LMF1: variants seen among roughly 807,000 people sequenced by gnomAD.
LMF1 encodes transmembrane protein 112.
A neutral mutation model predicts 60.6 loss-of-function variants in LMF1; 68 were observed. That is an observed-to-expected ratio of 1.12 (90% CI 0.92 to 1.37). The LOEUF is 1.37. LMF1 is among the 40% of genes most tolerant of loss of function. LMF1 has a pLI of 0.00. For missense variants in LMF1, 948 were observed against 767.2 expected (o/e 1.24, Z -2.78); for synonymous variants, 418 against 324.7 (o/e 1.29, Z -3.09).
At chr16:954,100 C>A in intron 2 of LMF1, 2 of 594,740 alleles carry the variant, frequency 3.4e-6, no homozygotes, top group Admixed American at 2.2e-5. Flanking sequence ...ATCCCTCTGG[C>A]TCCAGTAAGC....
intron 10 of LMF1, among the ~76,000 whole-genome samples, chr16:860,287 TATA>T (rs1478021413): frequency 2.0e-5 from 3 of 152,154 alleles, no homozygotes; most frequent in Non-Finnish European, 4.4e-5. Flanking sequence ...CATCTTTAAG[TATA>T]ATGACTCTGC....
intron 9 of LMF1, chr16:869,258 C>T (rs1307434315): frequency 1.9e-5 from 13 of 667,132 alleles, no homozygotes; most frequent in South Asian, 3.2e-5. Context: ...ATTCCCATGT[C>T]GGCCGCTGGC....
chr16:910,495 A>C (rs1306185845), intron 4 of LMF1, among the ~76,000 whole-genome samples: 1 of 152,194 alleles, frequency 6.6e-6, no homozygotes, highest in African/African-American at 2.4e-5. Flanking sequence ...GGCGGGTCTC[A>C]TACCTCCCTC....
intron 2 of LMF1, among the ~76,000 whole-genome samples, chr16:935,473 GTTGTCCA>G (rs1230294998): frequency 6.6e-6 from 1 of 151,250 alleles, no homozygotes; most frequent in Non-Finnish European, 1.5e-5. Context: ...AGGGTTGTCG[GTTGTCCA>G]ATCTTGTGGC....
At chr16:859,884 G>GAGTGGTGTCACGGGATGGGTGTGC in intron 10 of LMF1, among the ~76,000 whole-genome samples, 1 of 95,706 alleles carries the variant, frequency 1.0e-5, no homozygotes, top group African/African-American at 6.3e-5. Context: ...GGATGGGTGT[G>GAGTGGTGTCACGGGATGGGTGTGC]AGTGGTGTCT....
chr16:857,366 T>A (rs1326314510), intron 10 of LMF1, among the ~76,000 whole-genome samples: 2 of 152,252 alleles, frequency 1.3e-5, no homozygotes, highest in Non-Finnish European at 2.9e-5. Flanking sequence ...ACTCGATTTC[T>A]TGGTATCTTT....
chr16:891,690 C>A (rs983108101), intron 5 of LMF1, among the ~76,000 whole-genome samples: 1 of 152,184 alleles, frequency 6.6e-6, no homozygotes, highest in Non-Finnish European at 1.5e-5. Context: ...CCCCCCTGCC[C>A]ACTTTTCTGA....
At position 962,379 on chromosome 16, in the gene LMF1, C is replaced by T. The variant is rs1026678675; in HGVS notation, c.194-7713G>A. 2.0e-5 allele frequency among the ~76,000 whole-genome samples: 3 copies of T among 152,214 alleles called. No individual in the cohort carries two copies. The highest frequency in any genetic ancestry group is 2.9e-5 in the Non-Finnish European group (2 of 68,050). ...TCACAGAGGAATTCCACATAATGTC[C>T]GCAGACACTCCCTTCAGGAGGCGGG... On this transcript the variant is annotated intron_variant, in intron 1 of 10. Transcript: ENST00000262301. The surrounding 1 kb of genome is among the most constrained non-coding windows in gnomAD (Gnocchi z 4.5).
chr16:932,555 A>G (rs2071820726), intron 3 of LMF1, among the ~76,000 whole-genome samples: 1 of 152,198 alleles, frequency 6.6e-6, no homozygotes, highest in South Asian at 2.1e-4. Flanking sequence ...AGAACTGGGA[A>G]AAAATAATAC....
At chr16:920,098 A>G (rs775209720) in intron 3 of LMF1, among the ~76,000 whole-genome samples, 9 of 148,814 alleles carry the variant, frequency 6.0e-5, no homozygotes, top group Non-Finnish European at 1.2e-4. Context: ...TCGGCTCCCA[A>G]CAGGACATCC....
intron 10 of LMF1, chr16:854,911 C>T: frequency 3.2e-6 from 2 of 622,216 alleles, no homozygotes; most frequent in Admixed American, 2.5e-5. Flanking sequence ...CAGCAGTGAA[C>T]AGCGCAGCAA....
intron 3 of LMF1, among the ~76,000 whole-genome samples, chr16:914,687 C>T (rs76714678): frequency 0.034 from 36 of 1,072 alleles, no homozygotes; most frequent in Non-Finnish European, 0.037. Context: ...CTCCCATGAC[C>T]ATTGGTGACA....
At chr16:959,033 A>C (rs1175125797) in intron 1 of LMF1, among the ~76,000 whole-genome samples, 2 of 152,234 alleles carry the variant, frequency 1.3e-5, no homozygotes, top group Admixed American at 6.5e-5. Context: ...CATCTGACCC[A>C]GATAATGAAG....
chr16:890,309 G>T (rs914909089), intron 5 of LMF1, among the ~76,000 whole-genome samples: 17 of 152,212 alleles, frequency 1.1e-4, no homozygotes, highest in African/African-American at 4.1e-4. Flanking sequence ...CAAGAAAAGG[G>T]GCTCCTGGGC....
intron 6 of LMF1, 59 bp downstream of exon 6, chr16:879,511 A>G: frequency 1.9e-6 from 3 of 1,581,912 alleles, no homozygotes; most frequent in Non-Finnish European, 2.6e-6. Flanking sequence ...GCAGCCAGAA[A>G]TAGGGCGACG....
chr16:954,644 G>A lies in LMF1; in HGVS notation c.216C>T (p.Phe72=), dbSNP rs2072625154. ...FVYFVAFLVA[F]HQNKQLIGDR... is the part of the protein sequence containing the mutation. ...CACCGATGAGCTGCTTGTTCTGATG[G>A]AAAGCCACCAGGAATGCCACGACTG... Residue 72 remains phenylalanine (F), a synonymous_variant, in exon 2 of 11, where the codon TTC becomes TTT. Transcript: ENST00000262301. The A allele has an allele frequency of 1.9e-6, 3 of 1,600,716 alleles. No individual in the cohort carries two copies. The highest frequency in any genetic ancestry group is 2.6e-6 in the Non-Finnish European group (3 of 1,171,498).
chr16:924,414 T>G lies in LMF1; in HGVS notation c.514+9830A>C, dbSNP rs1238412823. ...TGACTATTCATGCACATGCCCATTT[T>G]TTTTTAATAATTAAAAGAACAATCT... On this transcript the variant is annotated intron_variant, in intron 3 of 10. Coordinates refer to ENST00000262301, the MANE Select transcript of LMF1 (RefSeq NM_022773.4). Among the ~76,000 whole-genome samples the G allele has an allele frequency of 2.5e-4, 38 of 152,250 alleles. 1 individual carries two copies. Among genetic ancestry groups the G allele is most frequent in the Admixed American group, 2.5e-3 (38 of 15,292 alleles).
chr16:910,349 C>A (rs957881413), intron 4 of LMF1, among the ~76,000 whole-genome samples: 3 of 152,188 alleles, frequency 2.0e-5, no homozygotes, highest in African/African-American at 7.2e-5. Flanking sequence ...CCGCCACCCC[C>A]ACCCCGGGGC....
intron 4 of LMF1, among the ~76,000 whole-genome samples, chr16:908,300 C>T (rs2071019699): frequency 6.6e-6 from 1 of 152,110 alleles, no homozygotes; most frequent in African/African-American, 2.4e-5. Context: ...AAAAGTAAAC[C>T]CGGAGACAGC....
Sources: allele counts gnomAD v4.1 joint callset (sites outside exome capture counted in the v4.1 genomes callset), GRCh38; gene constraint gnomAD v4.1.1; non-coding constraint Gnocchi (gnomAD v3.1); transcripts MANE v1.5; gene names NCBI Gene and HGNC (gene_info 2026-07-23, HGNC 2026-07-21).